SDK1: variants seen among roughly 807,000 people sequenced by gnomAD.
The protein encoded by SDK1 is protein sidekick-1.
SDK1 carries 157 observed loss-of-function variants against 245.5 expected under a neutral mutation model. The observed-to-expected ratio is 0.64, with a 90% CI of 0.56 to 0.73. The LOEUF (loss-of-function observed/expected upper bound fraction) is 0.73, where lower values mean the gene tolerates loss of function less well. SDK1 is among the 30% of genes least tolerant of loss of function. The pLI is 0.00. For synonymous variants in SDK1, 1,647 were observed against 1,278.5 expected (o/e 1.29, Z -6.15); for missense variants, 3,583 against 3,002.3 (o/e 1.19, Z -4.52).
chr7:3,741,349 C>A (rs958767507), intron 4 of SDK1, among the ~76,000 whole-genome samples: 7 of 152,188 alleles, frequency 4.6e-5, no homozygotes, highest in African/African-American at 9.7e-5. Flanking sequence ...TCTCCCAGCT[C>A]CCAGGGGATG....
In SDK1 at chr7:4,007,510, T is replaced by C. The variant is rs1313288293; in HGVS notation, c.2132-3456T>C. ...AGGGAGAGCAAGCTGTCCAGCACCC[T>C]GGGCCAAGCTTACAGCTAGATGCTT... is the stretch of plus-strand genomic sequence containing the variant. On this transcript the variant is annotated intron_variant, in intron 14 of 44. Transcript: ENST00000404826. Among the ~76,000 whole-genome samples the C allele has an allele frequency of 2.0e-5, 3 of 152,228 alleles. No homozygotes were observed. The East Asian group carries it at 5.8e-4, about 29-fold the overall frequency.
At chr7:3,528,495 G>A (rs1483765574) in intron 1 of SDK1, among the ~76,000 whole-genome samples, 1 of 152,006 alleles carries the variant, frequency 6.6e-6, no homozygotes. Context: ...GGCCATGGAG[G>A]ATTTTGAGTA....
At chr7:3,925,327 C>A (rs1317721266) in intron 5 of SDK1, among the ~76,000 whole-genome samples, 1 of 152,200 alleles carries the variant, frequency 6.6e-6, no homozygotes, top group South Asian at 2.1e-4. Flanking sequence ...GGAGAAGCTG[C>A]GTAGAAGCCC....
At chr7:3,303,365 A>G (rs765738660) in intron 1 of SDK1, among the ~76,000 whole-genome samples, 1 of 152,174 alleles carries the variant, frequency 6.6e-6, no homozygotes, top group Non-Finnish European at 1.5e-5. Flanking sequence ...ATTTTGCACT[A>G]AGACCTGTAC....
At position 3,514,216 on chromosome 7, in the gene SDK1, G is replaced by T. The variant is rs199820189; in HGVS notation, c.299-104864G>T. On this transcript the variant is annotated intron_variant, in intron 1 of 44. Transcript: ENST00000404826. ...ACTCTAAATCTCCAGTCTGATTTTT[G>T]TGTATAGGAGATTTACAATGGACAT... Among the ~76,000 whole-genome samples, 40 of 152,250 alleles carry T rather than the reference G, an allele frequency of 2.6e-4. No individual in the cohort carries two copies. In the East Asian group the frequency reaches 6.2e-3, roughly 24 times the overall value.
Position 3,690,155 on chromosome 7 carries a change from C to A in SDK1, c.713+48050C>A, listed in dbSNP as rs554797728. Reference sequence around the variant, plus strand: ...GAAAAATCTGGAATGGAAGCTGGGACTAATAGCCCAGTGACTCTAGATGCA... The same window carrying A: ...GAAAAATCTGGAATGGAAGCTGGGAATAATAGCCCAGTGACTCTAGATGCA... On this transcript the variant is annotated intron_variant, in intron 4 of 44. Transcript: ENST00000404826. Among the ~76,000 whole-genome samples the A allele has an allele frequency of 2.2e-4, 33 of 152,262 alleles. No individual in the cohort carries two copies. In the South Asian group the frequency reaches 6.8e-3, roughly 32 times the overall value.
chr7:4,061,674 T>C (rs1199086993), intron 19 of SDK1, among the ~76,000 whole-genome samples: 3 of 152,084 alleles, frequency 2.0e-5, no homozygotes, highest in Non-Finnish European at 2.9e-5. Context: ...TATAAAGACA[T>C]ATGCACACGT....
At chr7:4,213,690 T>G (rs954201710) in intron 38 of SDK1, among the ~76,000 whole-genome samples, 1 of 152,170 alleles carries the variant, frequency 6.6e-6, no homozygotes, top group Non-Finnish European at 1.5e-5. Flanking sequence ...CTCTTCTCTC[T>G]GCAGTTTCAC....
intron 1 of SDK1, among the ~76,000 whole-genome samples, chr7:3,501,232 T>C (rs181216981): frequency 3.9e-5 from 6 of 152,298 alleles, no homozygotes; most frequent in Non-Finnish European, 7.4e-5. Context: ...TTAGTATCTT[T>C]AGAGAATTCC....
intron 17 of SDK1, among the ~76,000 whole-genome samples, chr7:4,023,226 T>TATCCCCCTTCATCCACC (rs1265032508): frequency 5.9e-5 from 9 of 152,312 alleles, no homozygotes; most frequent in Admixed American, 2.6e-4. Flanking sequence ...TGACTTTTCT[T>TATCCCCCTTCATCCACC]ATCCCCCTTC....
intron 1 of SDK1, among the ~76,000 whole-genome samples, chr7:3,529,048 A>C (rs1466252997): frequency 6.6e-6 from 1 of 152,148 alleles, no homozygotes; most frequent in African/African-American, 2.4e-5. Context: ...AAGTAAATAT[A>C]TTGAGGGTAA....
At chr7:3,685,080 A>C (rs1283238943) in intron 4 of SDK1, among the ~76,000 whole-genome samples, 1 of 152,208 alleles carries the variant, frequency 6.6e-6, no homozygotes, top group African/African-American at 2.4e-5. Flanking sequence ...TTGAAGAAGT[A>C]ATGTTTGACA....
chr7:3,423,746 C>A (rs1253235553), intron 1 of SDK1, among the ~76,000 whole-genome samples: 1 of 152,036 alleles, frequency 6.6e-6, no homozygotes, highest in African/African-American at 2.4e-5. Context: ...ACCAGAAGAT[C>A]AGACAAATAC....
chr7:4,237,730 G>C lies in SDK1; in HGVS notation c.6076G>C (p.Val2026Leu). 4 of 1,614,180 alleles carry C rather than the reference G, an allele frequency of 2.5e-6. No homozygotes were observed. In the African/African-American group the frequency reaches 5.3e-5, roughly 22 times the overall value. ...CAGCCTGATCGTCATCCTGCTGGTGGTGTTCGCCCTCGTCCTGCACGGGCA... is the reference window on the plus strand; with the variant it reads ...CAGCCTGATCGTCATCCTGCTGGTGCTGTTCGCCCTCGTCCTGCACGGGCA... Reference protein sequence around the residue: ...LSSLIVILLVVFALVLHGQNK... With the variant: ...LSSLIVILLVLFALVLHGQNK... Residue 2026 changes from valine (V) to leucine (L), a missense_variant, in exon 42 of 45, where the codon GTG becomes CTG. By Grantham distance (32) the Val-to-Leu change is conservative. Transcript: ENST00000404826.
chr7:4,157,595 A>G (rs631709), intron 30 of SDK1, among the ~76,000 whole-genome samples: 124,377 of 151,702 alleles, frequency 0.82, 51,519 homozygotes, highest in African/African-American at 0.95. Flanking sequence ...GCACCTCAGG[A>G]AAACATGAGT....
intron 25 of SDK1, among the ~76,000 whole-genome samples, chr7:4,124,189 A>T (rs1444071021): frequency 6.6e-6 from 1 of 152,212 alleles, no homozygotes; most frequent in African/African-American, 2.4e-5. Context: ...ATGCACATGA[A>T]CCCTGGCATT....
chr7:3,446,839 A>G (rs1014168945), intron 1 of SDK1, among the ~76,000 whole-genome samples: 3 of 152,156 alleles, frequency 2.0e-5, no homozygotes, highest in African/African-American at 7.2e-5. Context: ...GTTTGCTTTG[A>G]GATTATTGCT....
At position 3,986,017 on chromosome 7, in the gene SDK1, G is replaced by A. The variant is rs945555104; in HGVS notation, c.1995-1169G>A. Among the ~76,000 whole-genome samples the A allele has an allele frequency of 7.9e-5, 12 of 152,174 alleles. No homozygotes were observed. In the East Asian group the frequency reaches 1.4e-3, roughly 17 times the overall value. On this transcript the variant is annotated intron_variant, in intron 13 of 44. Coordinates refer to ENST00000404826, the MANE Select transcript of SDK1 (RefSeq NM_152744.4). ...CCTCTTCCCGGCACTGCCTGGCAGCGTTTATGGAGGGGCAGCCATCCAGGA... is the reference window on the plus strand; with the variant it reads ...CCTCTTCCCGGCACTGCCTGGCAGCATTTATGGAGGGGCAGCCATCCAGGA...
At chr7:4,129,636 G>A in intron 26 of SDK1, 1 of 1,318,710 alleles carries the variant, frequency 7.6e-7, no homozygotes, top group Non-Finnish European at 9.7e-7. Flanking sequence ...CTGCAGTTGG[G>A]CCCTCAGATC....
Sources: allele counts gnomAD v4.1 joint callset (sites outside exome capture counted in the v4.1 genomes callset), GRCh38; gene constraint gnomAD v4.1.1; transcripts MANE v1.5; gene names NCBI Gene and HGNC (gene_info 2026-07-23, HGNC 2026-07-21).